The following CDK17 variants were observed in gnomAD, a reference collection of about 807,000 sequenced individuals.
CDK17 encodes the protein cyclin-dependent kinase 17.
A neutral mutation model predicts 77.6 loss-of-function variants in CDK17; 24 were observed. The ratio of observed to expected loss-of-function variants is 0.31; its 90% CI spans 0.22 to 0.44. The LOEUF (loss-of-function observed/expected upper bound fraction) is 0.44, where lower values mean the gene tolerates loss of function less well. Ranked by LOEUF, CDK17 falls within the 20% of genes least tolerant of loss-of-function variation. The pLI is 1.00. For synonymous variants in CDK17, 203 were observed against 210.4 expected (o/e 0.96, Z 0.30); for missense variants, 429 against 622.5 (o/e 0.69, Z 3.31).
At chr12:96,326,688 A>T (rs1952895437) in intron 2 of CDK17, among the ~76,000 whole-genome samples, 1 of 152,212 alleles carries the variant, frequency 6.6e-6, no homozygotes, top group African/African-American at 2.4e-5. Context: ...GAATCTAAAA[A>T]TATGTGTTTC....
rs887507518 is a variant in CDK17 at position 96,397,850 on chromosome 12, T to C, written c.-30+2136A>G. Among the ~76,000 whole-genome samples, 4 of 152,192 alleles carry C rather than the reference T, an allele frequency of 2.6e-5. 1 individual carries two copies. The highest frequency in any genetic ancestry group is 6.5e-5 in the Admixed American group (1 of 15,276). ...GACCTGTTAATTTCACAAAAGTCTC[T>C]AAAATGTTTTAAGTGGTGGAGTAGG... On this transcript the variant is annotated intron_variant, in intron 1 of 16. Transcript: ENST00000261211.
At chr12:96,390,019 G>A (rs182560703) in intron 1 of CDK17, among the ~76,000 whole-genome samples, 5 of 151,942 alleles carry the variant, frequency 3.3e-5, no homozygotes, top group African/African-American at 9.7e-5. Flanking sequence ...TAGTAGAGAC[G>A]GGGTTTCACC....
intron 1 of CDK17, among the ~76,000 whole-genome samples, chr12:96,373,859 G>A (rs1294849864): frequency 6.6e-6 from 1 of 152,080 alleles, no homozygotes; most frequent in Non-Finnish European, 1.5e-5. Context: ...GGTGGAGGTG[G>A]CAGTGAGCCA....
intron 16 of CDK17, 115 bp downstream of exon 16, chr12:96,280,693 T>C: frequency 6.7e-7 from 1 of 1,491,026 alleles, no homozygotes; most frequent in South Asian, 1.4e-5. Context: ...AGTTGTGGAA[T>C]GCACTGTACA....
chr12:96,349,074 G>T (rs1474906199), intron 1 of CDK17, among the ~76,000 whole-genome samples: 9 of 152,100 alleles, frequency 5.9e-5, no homozygotes, highest in African/African-American at 2.2e-4. Context: ...ATTGAATTCG[G>T]CAGCTTATTA....
chr12:96,391,542 T>C (rs1433389203), intron 1 of CDK17, among the ~76,000 whole-genome samples: 2 of 152,100 alleles, frequency 1.3e-5, no homozygotes, highest in Admixed American at 6.6e-5. Context: ...CTGACCGCCT[T>C]GGCCTCCCAA....
intron 11 of CDK17, among the ~76,000 whole-genome samples, chr12:96,288,716 GACT>G (rs914247827): frequency 3.9e-5 from 6 of 152,150 alleles, no homozygotes; most frequent in South Asian, 2.1e-4. Context: ...TGAGAAAGAT[GACT>G]ACAATATTTT....
chr12:96,387,214 C>G (rs1327469996), intron 1 of CDK17: 2 of 249,562 alleles, frequency 8.0e-6, no homozygotes, highest in Non-Finnish European at 1.7e-5. Context: ...GCCGTCATTC[C>G]TTGGGTCCAA....
chr12:96,280,944 C>G, intron 15 of CDK17, 59 bp from the exon 16 acceptor site: 1 of 1,313,696 alleles, frequency 7.6e-7, no homozygotes, highest in Non-Finnish European at 1.1e-6. Context: ...AAACACAACC[C>G]TACTATCAAC....
intron 1 of CDK17, among the ~76,000 whole-genome samples, chr12:96,367,014 G>A (rs1436136295): frequency 1.3e-5 from 2 of 151,914 alleles, no homozygotes; most frequent in African/African-American, 2.4e-5. Context: ...AGTCAAGCAC[G>A]GAGACTTCTA....
intron 1 of CDK17, among the ~76,000 whole-genome samples, chr12:96,358,172 A>C (rs1241878768): frequency 6.6e-6 from 1 of 152,210 alleles, no homozygotes; most frequent in East Asian, 1.9e-4. Flanking sequence ...GGATTAAAAT[A>C]AAGTTTATGA....
At chr12:96,344,621 G>A (rs1227447934) in intron 1 of CDK17, among the ~76,000 whole-genome samples, 3 of 152,028 alleles carry the variant, frequency 2.0e-5, no homozygotes, top group African/African-American at 7.2e-5. Context: ...TAAGAATGAA[G>A]GAGAAATTTC....
intron 1 of CDK17, among the ~76,000 whole-genome samples, chr12:96,373,422 G>A (rs565305320): frequency 2.0e-5 from 3 of 151,710 alleles, no homozygotes; most frequent in African/African-American, 4.8e-5. Context: ...GCGAAACCCC[G>A]TCTCTACTAA....
chr12:96,280,928 T>A (rs752057150), intron 15 of CDK17, 43 bp from the exon 16 acceptor site: 1 of 1,469,556 alleles, frequency 6.8e-7, no homozygotes, highest in Admixed American at 1.8e-5. Context: ...GGTCTAACAT[T>A]AAAACAAACA....
chr12:96,338,507 T>C (rs1780914353), intron 1 of CDK17, among the ~76,000 whole-genome samples: 1 of 152,150 alleles, frequency 6.6e-6, no homozygotes, highest in Non-Finnish European at 1.5e-5. Flanking sequence ...AGCTCATAAC[T>C]ACCAACATTT....
intron 1 of CDK17, among the ~76,000 whole-genome samples, chr12:96,397,040 T>G (rs1777716856): frequency 6.6e-6 from 1 of 152,104 alleles, no homozygotes; most frequent in African/African-American, 2.4e-5. Flanking sequence ...CATTACAGCT[T>G]CCATTGTTCA....
At chr12:96,377,884 A>C (rs376583143) in intron 1 of CDK17, among the ~76,000 whole-genome samples, 1 of 152,010 alleles carries the variant, frequency 6.6e-6, no homozygotes, top group Non-Finnish European at 1.5e-5. Flanking sequence ...TAGTAGAGAC[A>C]GGGTTTCACC....
intron 1 of CDK17, among the ~76,000 whole-genome samples, chr12:96,395,791 T>C (rs1954158584): frequency 6.6e-6 from 1 of 152,018 alleles, no homozygotes; most frequent in Non-Finnish European, 1.5e-5. Flanking sequence ...GAAAAAGACA[T>C]CCTCACCTCT....
At chr12:96,393,782 C>T (rs1444105680) in intron 1 of CDK17, among the ~76,000 whole-genome samples, 1 of 151,996 alleles carries the variant, frequency 6.6e-6, no homozygotes, top group Admixed American at 6.6e-5. Flanking sequence ...GCTTCTTTTT[C>T]CACCAGAAAT....
Sources: allele counts gnomAD v4.1 joint callset (sites outside exome capture counted in the v4.1 genomes callset), GRCh38; gene constraint gnomAD v4.1.1; transcripts MANE v1.5; gene names NCBI Gene and HGNC (gene_info 2026-07-23, HGNC 2026-07-21).